CAMSAP2: variants seen among roughly 807,000 people sequenced by gnomAD.
CAMSAP2 encodes the protein calmodulin-regulated spectrin-associated protein 2.
A neutral mutation model predicts 146.1 loss-of-function variants in CAMSAP2; 26 were observed. The ratio of observed to expected loss-of-function variants is 0.18; its 90% CI spans 0.13 to 0.25. CAMSAP2 has a LOEUF of 0.25. Among genes scored for constraint, CAMSAP2 ranks in the 10% least tolerant of loss-of-function variants. The pLI is 1.00. For synonymous variants in CAMSAP2, 499 were observed against 596.6 expected (o/e 0.84, Z 2.38); for missense variants, 1,381 against 1,759.3 (o/e 0.78, Z 3.85).
rs1305322819 is a variant in CAMSAP2, at chr1:200,850,146, C to G, written c.3377C>G (p.Ala1126Gly). The change falls in exon 11 of 17, where the codon GCT becomes GGT. Residue 1126 changes from alanine (A) to glycine (G), a missense_variant. This residue lies in a region of CAMSAP2 where 560 missense variants were observed against 715.9 expected (regional missense o/e 0.78). Coordinates refer to ENST00000358823, the MANE Select transcript of CAMSAP2 (RefSeq NM_203459.4). ...SLSDLKPPEK[A>G]DVPVEKYDGE... Reference sequence around the variant, plus strand: ...TCAGATTTGAAACCCCCTGAAAAGGCTGATGTACCTGTTGAAAAATATGAT... The same window carrying G: ...TCAGATTTGAAACCCCCTGAAAAGGGTGATGTACCTGTTGAAAAATATGAT... 1.2e-6 allele frequency: 2 copies of G among 1,610,138 alleles called. No homozygotes were observed. Among genetic ancestry groups the G allele is most frequent in the African/African-American group, 2.7e-5 (2 of 74,488 alleles).
Position 200,849,253 on chromosome 1 carries a change from A to G in CAMSAP2, c.2484A>G (p.Gly828=). 1.2e-6 allele frequency: 2 copies of G among 1,613,938 alleles called. No individual in the cohort carries two copies. The highest frequency in any genetic ancestry group is 1.7e-6 in the Non-Finnish European group (2 of 1,180,022). ...AKEKESQKTD[G]QRSKSLADIK... ...AAAAGGAATCACAAAAAACTGATGG[A>G]CAAAGGAGCAAGTCACTGGCAGATA... The change falls in exon 11 of 17, where the codon GGA becomes GGG. Residue 828 remains glycine, a synonymous_variant. Coordinates refer to ENST00000358823, the MANE Select transcript of CAMSAP2 (RefSeq NM_203459.4). The surrounding 1 kb of genome is among the most constrained non-coding windows in gnomAD (Gnocchi z 6.3).
chr1:200,852,991 C>T (rs941160135), intron 12 of CAMSAP2, among the ~76,000 whole-genome samples: 17 of 112,286 alleles, frequency 1.5e-4, no homozygotes, highest in African/African-American at 5.5e-4. Context: ...AAATAACTTT[C>T]CTGGGAGATA....
chr1:200,821,719 G>T (rs1283382518), intron 4 of CAMSAP2, among the ~76,000 whole-genome samples: 1 of 151,890 alleles, frequency 6.6e-6, no homozygotes, highest in East Asian at 1.9e-4. Flanking sequence ...TAATTTACTT[G>T]CCCTTACAGG....
chr1:200,852,634 C>G lies in CAMSAP2; in HGVS notation c.3559C>G (p.Gln1187Glu), dbSNP rs1284822621. The change falls in exon 12 of 17, where the codon CAA becomes GAA. Residue 1187 changes from glutamine to glutamate, a missense_variant. Physicochemically the swap from Gln to Glu is conservative, Grantham distance 29 (BLOSUM62 2). Transcript: ENST00000358823. ...RREKETQLRKQQLEAEMEHKK... is the reference protein window; with the variant it reads ...RREKETQLRKEQLEAEMEHKK... ...GGAAAAGGAAACTCAGCTCCGGAAA[C>G]AACAGTTGGAAGCAGAAATGGAGCA... 6.2e-7 allele frequency: 1 copy of G among 1,613,618 alleles called. No individual in the cohort carries two copies. Among genetic ancestry groups the G allele is most frequent in the East Asian group, 2.2e-5 (1 of 44,824 alleles).
At chr1:200,740,131 C>T (rs1664115043) in intron 1 of CAMSAP2, among the ~76,000 whole-genome samples, 165 bp downstream of exon 1, 1 of 152,124 alleles carries the variant, frequency 6.6e-6, no homozygotes, top group Non-Finnish European at 1.5e-5. Context: ...ATAAGGAAAG[C>T]AGGTTTGGTC....
intron 4 of CAMSAP2, among the ~76,000 whole-genome samples, chr1:200,825,074 T>C (rs1177513379): frequency 1.3e-5 from 2 of 152,226 alleles, no homozygotes; most frequent in African/African-American, 4.8e-5. Flanking sequence ...ATAGTCAAAG[T>C]ACAGTGTTCT....
At chr1:200,745,711 A>G (rs767021434) in intron 1 of CAMSAP2, among the ~76,000 whole-genome samples, 34 of 152,198 alleles carry the variant, frequency 2.2e-4, no homozygotes, top group Non-Finnish European at 4.6e-4. Context: ...GGGTCAAGTG[A>G]TCCGCCTGCC....
At chr1:200,784,543 A>G (rs1175804249) in intron 2 of CAMSAP2, among the ~76,000 whole-genome samples, 1 of 152,208 alleles carries the variant, frequency 6.6e-6, no homozygotes, top group Non-Finnish European at 1.5e-5. Context: ...TTCAGATTTA[A>G]TTCTTAAATT....
chr1:200,805,524 T>G (rs777357398), intron 2 of CAMSAP2, among the ~76,000 whole-genome samples: 2 of 152,218 alleles, frequency 1.3e-5, no homozygotes, highest in Admixed American at 6.5e-5. Flanking sequence ...GGCTGCTCAT[T>G]AGCATCACCT....
At chr1:200,767,963 T>G (rs1665004232) in intron 2 of CAMSAP2, among the ~76,000 whole-genome samples, 1 of 152,248 alleles carries the variant, frequency 6.6e-6, no homozygotes, top group African/African-American at 2.4e-5. Context: ...GTTTACTTTC[T>G]CATAGAAATA....
chr1:200,816,603 A>ATATAT (rs1553288205), intron 4 of CAMSAP2, among the ~76,000 whole-genome samples: 1 of 110,928 alleles, frequency 9.0e-6, no homozygotes, highest in Admixed American at 9.5e-5. Context: ...TCAAAAAAAA[A>ATATAT]AAATATATAT....
chr1:200,811,062 T>C (rs931094176), intron 3 of CAMSAP2, among the ~76,000 whole-genome samples: 3 of 152,196 alleles, frequency 2.0e-5, no homozygotes, highest in Non-Finnish European at 4.4e-5. Flanking sequence ...CCCGAAATTG[T>C]TCCTGAGTTG....
At chr1:200,820,160 A>G (rs902079393) in intron 4 of CAMSAP2, among the ~76,000 whole-genome samples, 2 of 151,546 alleles carry the variant, frequency 1.3e-5, no homozygotes, top group African/African-American at 4.9e-5. Context: ...TCCTGGGTTC[A>G]AGCAATTCTC....
intron 4 of CAMSAP2, among the ~76,000 whole-genome samples, chr1:200,817,183 C>CACGTGTGTGTGTAT (rs1666600555): frequency 9.0e-5 from 6 of 66,320 alleles, no homozygotes; most frequent in Non-Finnish European, 1.1e-4. Context: ...TATATACACA[C>CACGTGTGTGTGTAT]ACACACATGT....
At chr1:200,817,147 C>G (rs924286804) in intron 4 of CAMSAP2, among the ~76,000 whole-genome samples, 9 of 111,322 alleles carry the variant, frequency 8.1e-5, no homozygotes, top group Non-Finnish European at 1.5e-4. Context: ...TATATATACA[C>G]ATACACACAT....
intron 3 of CAMSAP2, among the ~76,000 whole-genome samples, chr1:200,814,357 A>G (rs1474086723): frequency 6.6e-6 from 1 of 152,086 alleles, no homozygotes; most frequent in Non-Finnish European, 1.5e-5. Flanking sequence ...CTTTAATCCC[A>G]GCACTTTGGG....
At chr1:200,846,342 T>C (rs1200650773) in intron 8 of CAMSAP2, among the ~76,000 whole-genome samples, 1 of 152,246 alleles carries the variant, frequency 6.6e-6, no homozygotes. Context: ...TCCATAATTA[T>C]TCTAGGAACC....
chr1:200,792,119 A>G (rs1317718710), intron 2 of CAMSAP2, among the ~76,000 whole-genome samples: 1 of 133,390 alleles, frequency 7.5e-6, no homozygotes, highest in Non-Finnish European at 1.5e-5. Context: ...GCCACCCATA[A>G]TAGTAAGATT....
intron 2 of CAMSAP2, among the ~76,000 whole-genome samples, chr1:200,793,445 T>G (rs1286365025): frequency 6.6e-6 from 1 of 152,196 alleles, no homozygotes; most frequent in African/African-American, 2.4e-5. Context: ...AATGTTTACT[T>G]ATATATGGGA....
Sources: allele counts gnomAD v4.1 joint callset (sites outside exome capture counted in the v4.1 genomes callset), GRCh38; gene constraint gnomAD v4.1.1; regional missense constraint gnomAD v4.1.1; non-coding constraint Gnocchi (gnomAD v3.1); transcripts MANE v1.5; gene names NCBI Gene and HGNC (gene_info 2026-07-23, HGNC 2026-07-21).